Variants in GYS2 observed in about 807,000 individuals in gnomAD.
The protein encoded by GYS2 is glycogen synthase 2.
A neutral mutation model predicts 85.6 loss-of-function variants in GYS2; 80 were observed. The observed-to-expected ratio is 0.93, with a 90% CI of 0.78 to 1.13. GYS2 has a LOEUF of 1.13. Ranked by LOEUF, GYS2 falls within the 50% of genes most tolerant of loss-of-function variation. GYS2 has a pLI of 0.00. For missense variants in GYS2, 881 were observed against 854.9 expected (o/e 1.03, Z -0.38); for synonymous variants, 328 against 300.7 (o/e 1.09, Z -0.94).
intron 15 of GYS2, among the ~76,000 whole-genome samples, chr12:21,538,235 A>T (rs912824564): frequency 5.3e-5 from 8 of 152,174 alleles, no homozygotes; most frequent in Non-Finnish European, 7.4e-5. Context: ...GTTTAAGAAA[A>T]CCTTATCACC....
chr12:21,587,517 G>A (rs1158630814), intron 1 of GYS2, among the ~76,000 whole-genome samples: 1 of 151,966 alleles, frequency 6.6e-6, no homozygotes, highest in African/African-American at 2.4e-5. Flanking sequence ...CTTTTGCTTG[G>A]CACTTCTACT....
intron 11 of GYS2, among the ~76,000 whole-genome samples, chr12:21,547,930 C>G (rs1354041294): frequency 6.6e-6 from 1 of 152,126 alleles, no homozygotes; most frequent in East Asian, 1.9e-4. Flanking sequence ...AAAGCAAACT[C>G]TATTAAAAGT....
intron 1 of GYS2, among the ~76,000 whole-genome samples, chr12:21,590,808 C>A (rs926667370): frequency 2.0e-5 from 3 of 152,168 alleles, no homozygotes; most frequent in Non-Finnish European, 4.4e-5. Flanking sequence ...TCCAGCACAA[C>A]CTCATCACCA....
At chr12:21,566,260 C>T (rs1164203156) in intron 5 of GYS2, among the ~76,000 whole-genome samples, 7 of 151,976 alleles carry the variant, frequency 4.6e-5, no homozygotes, top group Non-Finnish European at 8.8e-5. Context: ...GCACCCTCAG[C>T]GTTAAAAGTA....
intron 2 of GYS2, among the ~76,000 whole-genome samples, chr12:21,578,475 C>T (rs1171215767): frequency 6.6e-6 from 1 of 152,208 alleles, no homozygotes; most frequent in Non-Finnish European, 1.5e-5. Context: ...TGGACAAAGT[C>T]ACAGCCGTGT....
chr12:21,571,956 G>A (rs1944391234), intron 4 of GYS2, among the ~76,000 whole-genome samples: 1 of 99,900 alleles, frequency 1.0e-5, no homozygotes, highest in African/African-American at 4.0e-5. Flanking sequence ...GCAAGACTCC[G>A]CGTCAAAAAC....
chr12:21,537,257 A>G (rs1943921004), intron 15 of GYS2, 82 bp from the exon 16 acceptor site: 1 of 931,450 alleles, frequency 1.1e-6, no homozygotes, highest in Non-Finnish European at 1.7e-6. Context: ...TGCACTATCA[A>G]TTTTTTAAGT....
At chr12:21,555,103 C>T (rs1416908522) in intron 11 of GYS2, among the ~76,000 whole-genome samples, 1 of 152,070 alleles carries the variant, frequency 6.6e-6, no homozygotes, top group African/African-American at 2.4e-5. Context: ...AAGTGTGACA[C>T]AAAATGTTCT....
rs776756657 is a variant in GYS2, at chr12:21,537,015, G to A, written c.2051C>T (p.Pro684Leu). 39 of 1,613,844 alleles carry A rather than the reference G, an allele frequency of 2.4e-5. No homozygotes were observed. The highest frequency in any genetic ancestry group is 3.1e-5 in the Non-Finnish European group (36 of 1,179,926). Reference protein sequence around the residue: ...AERDRLNIKSPFSLSHVPHGK... With the variant: ...AERDRLNIKSLFSLSHVPHGK... ...ATGAGGAACGTGGCTCAGTGAAAAT[G>A]GTGACTTGATATTTAACCGATCCCT... Residue 684 changes from proline to leucine, a missense_variant, in exon 16 of 16, where the codon CCA becomes CTA. Pro to Leu is a moderately conservative substitution (Grantham distance 98). Coordinates refer to ENST00000261195, the MANE Select transcript of GYS2 (RefSeq NM_021957.4).
chr12:21,565,631 A>G (rs1591794119), intron 5 of GYS2, among the ~76,000 whole-genome samples: 1 of 150,706 alleles, frequency 6.6e-6, no homozygotes, highest in Non-Finnish European at 1.5e-5. Flanking sequence ...AGTTTATATA[A>G]ATACATGTAT....
chr12:21,576,346 C>T (rs541000635), intron 2 of GYS2, among the ~76,000 whole-genome samples: 11 of 152,212 alleles, frequency 7.2e-5, no homozygotes, highest in Non-Finnish European at 1.3e-4. Context: ...TCTCTTGTGA[C>T]CATGAACTCA....
intron 11 of GYS2, among the ~76,000 whole-genome samples, chr12:21,556,133 G>A (rs1715491585): frequency 6.6e-6 from 1 of 151,856 alleles, no homozygotes; most frequent in Non-Finnish European, 1.5e-5. Flanking sequence ...AAGTTTCCTT[G>A]GATTGACATT....
At chr12:21,582,848 T>A (rs1370717319) in intron 1 of GYS2, among the ~76,000 whole-genome samples, 1 of 152,202 alleles carries the variant, frequency 6.6e-6, no homozygotes, top group Non-Finnish European at 1.5e-5. Flanking sequence ...GCATCAATTG[T>A]TTAGAGAGTT....
intron 3 of GYS2, 65 bp from the exon 4 acceptor site, chr12:21,574,391 A>T (rs902414928): frequency 1.7e-6 from 2 of 1,202,884 alleles, no homozygotes; most frequent in Admixed American, 3.4e-5. Flanking sequence ...CTCATGGTCC[A>T]CATCATAAGT....
chr12:21,566,939 A>C (rs1944327933), intron 5 of GYS2, among the ~76,000 whole-genome samples: 1 of 152,180 alleles, frequency 6.6e-6, no homozygotes, highest in African/African-American at 2.4e-5. Context: ...AGAATCTTGG[A>C]GAATGTCCAC....
Position 21,537,062 on chromosome 12 carries a change from G to C in GYS2, c.2004C>G (p.Tyr668Ter). Residue 668 changes from tyrosine (Y) to a stop codon, truncating the protein, a stop_gained, in exon 16 of 16, where the codon TAC becomes TAG. Coordinates refer to ENST00000261195, the MANE Select transcript of GYS2 (RefSeq NM_021957.4). LOFTEE classifies it high-confidence loss of function. ...CCCTTTCAGCCTCCTCTTCCTCATC[G>C]TATCTCTCATCCTCCACTTCATCTT... The part of the protein sequence containing the change: ...DVEDEVEDER[Y>*]DEEEEAERDR... 6.2e-7 allele frequency: 1 copy of C among 1,613,430 alleles called. No homozygotes were observed.
intron 11 of GYS2, among the ~76,000 whole-genome samples, chr12:21,557,877 C>CGACA (rs1351600052): frequency 1.2e-4 from 18 of 151,398 alleles, no homozygotes; most frequent in African/African-American, 4.1e-4. Context: ...CCAGCCTGGG[C>CGACA]GACAGAGCGA....
At chr12:21,572,413 C>A (rs574787000) in intron 4 of GYS2, among the ~76,000 whole-genome samples, 1 of 152,138 alleles carries the variant, frequency 6.6e-6, no homozygotes, top group Non-Finnish European at 1.5e-5. Context: ...ATGACTTCTT[C>A]CTTATACTGA....
In GYS2 at chr12:21,574,345, A is replaced by AT. The variant is rs756130481; in HGVS notation, c.496-20_496-19insA. ...CTGTCACCTACATTAGGAAAAAAAA[A>AT]GCATTCAGAAAAGTTGTTGATGAAG... On this transcript the variant is annotated intron_variant, in intron 3 of 15. Transcript: ENST00000261195. 1 of 1,602,350 alleles carries AT rather than the reference A, an allele frequency of 6.2e-7. No individual in the cohort carries two copies. Among genetic ancestry groups the AT allele is most frequent in the Non-Finnish European group, 8.6e-7 (1 of 1,169,462 alleles).
Sources: allele counts gnomAD v4.1 joint callset (sites outside exome capture counted in the v4.1 genomes callset), GRCh38; gene constraint gnomAD v4.1.1; transcripts MANE v1.5; gene names NCBI Gene and HGNC (gene_info 2026-07-23, HGNC 2026-07-21).